CCSER1: variants seen among roughly 807,000 people sequenced by gnomAD.
CCSER1 encodes the protein serine-rich coiled-coil domain-containing protein 1.
In CCSER1, 41 loss-of-function variants were observed where a neutral mutation model predicts 82.0. The observed-to-expected ratio is 0.50, with a 90% CI of 0.39 to 0.65. The LOEUF is 0.65. Among genes scored for constraint, CCSER1 ranks in the 30% least tolerant of loss-of-function variants. The pLI, the probability that CCSER1 is intolerant of heterozygous loss-of-function variation, is 0.00. For synonymous variants in CCSER1, 414 were observed against 383.9 expected, an observed-to-expected ratio of 1.08 and a Z score of -0.92; for missense variants, 1,119 against 1,064.2, an observed-to-expected ratio of 1.05 and a Z score of -0.72.
intron 10 of CCSER1, among the ~76,000 whole-genome samples, chr4:91,458,200 C>G (rs1448855366): frequency 6.6e-6 from 1 of 152,210 alleles, no homozygotes; most frequent in East Asian, 1.9e-4. Context: ...GGTGTACTTT[C>G]ATCCTTCTGC....
At chr4:91,542,330 T>TAGG (rs1283008483) in intron 10 of CCSER1, among the ~76,000 whole-genome samples, 1 of 152,160 alleles carries the variant, frequency 6.6e-6, no homozygotes, top group Non-Finnish European at 1.5e-5. Flanking sequence ...TGGTATTGCC[T>TAGG]AGGTTTTCTT....
At chr4:91,148,590 T>G (rs1276274726) in intron 10 of CCSER1, among the ~76,000 whole-genome samples, 2 of 152,218 alleles carry the variant, frequency 1.3e-5, no homozygotes, top group South Asian at 4.2e-4. Context: ...ACCCATTAAC[T>G]CATCATTTAC....
chr4:90,276,033 T>C (rs949337714), intron 1 of CCSER1, among the ~76,000 whole-genome samples: 1 of 152,152 alleles, frequency 6.6e-6, no homozygotes, highest in African/African-American at 2.4e-5. Context: ...CTTTACAATG[T>C]CTTAAACATA....
intron 8 of CCSER1, among the ~76,000 whole-genome samples, chr4:90,905,323 C>T (rs1581016063): frequency 6.6e-6 from 1 of 151,256 alleles, no homozygotes; most frequent in East Asian, 2.0e-4. Context: ...TACAATTGTG[C>T]CAATATTCTC....
chr4:91,543,436 G>T (rs1269259074), intron 10 of CCSER1, among the ~76,000 whole-genome samples: 4 of 152,120 alleles, frequency 2.6e-5, no homozygotes, highest in Non-Finnish European at 4.4e-5. Context: ...GCAGTGGCTG[G>T]TACCGGTTGT....
chr4:90,886,341 G>T (rs1722116914), intron 8 of CCSER1, among the ~76,000 whole-genome samples: 1 of 151,990 alleles, frequency 6.6e-6, no homozygotes, highest in African/African-American at 2.4e-5. Flanking sequence ...TTCAGCTTCA[G>T]TCTTTTCTTA....
chr4:90,430,631 A>G (rs1309411637), intron 4 of CCSER1, among the ~76,000 whole-genome samples: 1 of 151,946 alleles, frequency 6.6e-6, no homozygotes, highest in East Asian at 1.9e-4. Context: ...AAAGTATAAC[A>G]AAACTTTACT....
intron 4 of CCSER1, among the ~76,000 whole-genome samples, chr4:90,462,964 T>C (rs2153584874): frequency 6.6e-6 from 1 of 152,278 alleles, no homozygotes; most frequent in Non-Finnish European, 1.5e-5. Flanking sequence ...ATAACCATTG[T>C]TATAAGTCAT....
intron 10 of CCSER1, among the ~76,000 whole-genome samples, chr4:91,519,221 G>A (rs767319262): frequency 3.9e-5 from 6 of 152,162 alleles, no homozygotes; most frequent in South Asian, 4.1e-4. Context: ...TCCATAGGGC[G>A]GCCACACTGT....
chr4:90,619,878 A>G (rs1721992010), intron 5 of CCSER1, among the ~76,000 whole-genome samples: 1 of 152,154 alleles, frequency 6.6e-6, no homozygotes, highest in South Asian at 2.1e-4. Flanking sequence ...CTTAACCTGG[A>G]TCTCAAGTCA....
Position 90,309,586 on chromosome 4 carries a change from A to T in CCSER1, c.1302A>T (p.Gly434=), listed in dbSNP as rs547591331. 6.0e-5 allele frequency: 96 copies of T among 1,590,456 alleles called. 2 individuals carry two copies. The South Asian group carries it at 1.0e-3, about 17-fold the overall frequency. The change falls in exon 2 of 11, where the codon GGA becomes GGT. Residue 434 remains glycine (G), a synonymous_variant. Coordinates refer to ENST00000509176, the MANE Select transcript of CCSER1 (RefSeq NM_001145065.2). The part of the protein sequence containing the change: ...DHHIFNKTSH[G]YEANPAKVLA... Reference sequence around the variant, plus strand: ...ATATTTTTAACAAAACATCACATGGATATGAAGCAAATCCTGCCAAAGGTA... The same window carrying T: ...ATATTTTTAACAAAACATCACATGGTTATGAAGCAAATCCTGCCAAAGGTA...
At chr4:91,594,067 T>G (rs1285336215) in intron 10 of CCSER1, among the ~76,000 whole-genome samples, 1 of 152,018 alleles carries the variant, frequency 6.6e-6, no homozygotes, top group East Asian at 1.9e-4. Context: ...GGATAGGTAA[T>G]AAGCTAGCTG....
chr4:90,276,409 C>T (rs1240953834), intron 1 of CCSER1, among the ~76,000 whole-genome samples: 3 of 147,918 alleles, frequency 2.0e-5, no homozygotes, highest in African/African-American at 5.0e-5. Context: ...TGCAGTGGCA[C>T]GATCTCTGCT....
At position 91,108,332 on chromosome 4, in the gene CCSER1, G is replaced by A. The variant is rs549356445; in HGVS notation, c.2217+22338G>A. On this transcript the variant is annotated intron_variant, in intron 10 of 10. Coordinates refer to ENST00000509176, the MANE Select transcript of CCSER1 (RefSeq NM_001145065.2). ...GCTTGTCCATTTCTATATGGCATTG[G>A]GGTAGATAGTCACAAATAGAACTTT... 7.2e-4 allele frequency among the ~76,000 whole-genome samples: 109 copies of A among 152,152 alleles called. No individual in the cohort carries two copies. The South Asian group carries it at 0.022, about 31-fold the overall frequency.
chr4:91,140,041 A>G (rs1728879157), intron 10 of CCSER1, among the ~76,000 whole-genome samples: 1 of 152,088 alleles, frequency 6.6e-6, no homozygotes, highest in African/African-American at 2.4e-5. Context: ...TTATAGATGC[A>G]CAGAAATAAT....
At chr4:90,663,762 AT>A (rs1229885460) in intron 6 of CCSER1, 2 of 175,630 alleles carry the variant, frequency 1.1e-5, no homozygotes, top group African/African-American at 4.8e-5. Flanking sequence ...CCATTGCAAT[AT>A]TGTAGATGAA....
intron 1 of CCSER1, among the ~76,000 whole-genome samples, chr4:90,212,952 A>T (rs114616812): frequency 0.023 from 3,541 of 152,266 alleles, 52 homozygotes; most frequent in South Asian, 0.055. Flanking sequence ...AGTGGTTAAG[A>T]GGGAGAGTAA....
At chr4:90,379,308 C>T (rs1280629625) in intron 3 of CCSER1, among the ~76,000 whole-genome samples, 1 of 152,138 alleles carries the variant, frequency 6.6e-6, no homozygotes, top group Non-Finnish European at 1.5e-5. Flanking sequence ...AAGGTTTATA[C>T]GGGATGTTTT....
intron 9 of CCSER1, among the ~76,000 whole-genome samples, chr4:91,013,779 ATTT>A (rs10712693): frequency 1.9e-5 from 2 of 104,542 alleles, no homozygotes; most frequent in Non-Finnish European, 4.4e-5. Context: ...TTGTTTTTGT[ATTT>A]TTTTTTTTTT....
Sources: gnomAD v4.1 joint callset for allele counts (sites outside exome capture counted in the v4.1 genomes callset) on GRCh38, gnomAD v4.1.1 for gene constraint, MANE v1.5 for transcripts, NCBI Gene and HGNC (gene_info 2026-07-23, HGNC 2026-07-21) for gene names.